The following SHOC1 variants were observed in gnomAD, a reference collection of about 807,000 sequenced individuals.
SHOC1 encodes the protein protein shortage in chiasmata 1 ortholog.
A neutral mutation model predicts 179.2 loss-of-function variants in SHOC1; 136 were observed. The observed-to-expected ratio is 0.76, with a 90% CI of 0.66 to 0.87. The LOEUF (loss-of-function observed/expected upper bound fraction) is 0.87, where lower values mean the gene tolerates loss of function less well. Among genes scored for constraint, SHOC1 ranks in the 40% least tolerant of loss-of-function variants. The probability of loss-of-function intolerance (pLI) is 0.00; values close to 1 mark genes in which losing one functional copy is unlikely to be tolerated. For synonymous variants in SHOC1, 489 were observed against 586.6 expected, an observed-to-expected ratio of 0.83 and a Z score of 2.41; for missense variants, 1,538 against 1,700.8, an observed-to-expected ratio of 0.90 and a Z score of 1.68.
At chr9:111,754,407 A>G (rs941893986) in intron 8 of SHOC1, among the ~76,000 whole-genome samples, 2 of 152,218 alleles carry the variant, frequency 1.3e-5, no homozygotes, top group South Asian at 2.1e-4. Context: ...CAAAACCACA[A>G]TGAGATATCA....
At chr9:111,689,348 A>AATAATTATT (rs1554707165) in intron 27 of SHOC1, among the ~76,000 whole-genome samples, 7 of 146,558 alleles carry the variant, frequency 4.8e-5, no homozygotes, top group Admixed American at 1.4e-4. Flanking sequence ...TAATAATAAT[A>AATAATTATT]ATTATTATTA....
chr9:111,757,256 C>G (rs1834907994), intron 7 of SHOC1, among the ~76,000 whole-genome samples: 1 of 152,130 alleles, frequency 6.6e-6, no homozygotes, highest in Non-Finnish European at 1.5e-5. Context: ...GCGCCCACCA[C>G]TATGCCTGGC....
intron 9 of SHOC1, among the ~76,000 whole-genome samples, chr9:111,746,925 G>C (rs1336373832): frequency 6.6e-6 from 1 of 151,992 alleles, no homozygotes; most frequent in Admixed American, 6.6e-5. Flanking sequence ...TAAATTCCAA[G>C]AGCTTTATAT....
At chr9:111,718,358 G>T in intron 15 of SHOC1, 70 bp from the exon 16 acceptor site, 1 of 966,064 alleles carries the variant, frequency 1.0e-6, no homozygotes, top group Non-Finnish European at 1.5e-6. Context: ...ATCAGAATCT[G>T]CCTAATAATG....
intron 24 of SHOC1, among the ~76,000 whole-genome samples, chr9:111,695,586 G>A (rs916209215): frequency 2.6e-5 from 4 of 151,978 alleles, no homozygotes; most frequent in African/African-American, 7.3e-5. Context: ...ACTGATTTTC[G>A]ATGTGAAAAT....
chr9:111,792,928 G>A (rs1836495780), intron 1 of SHOC1, among the ~76,000 whole-genome samples: 1 of 151,422 alleles, frequency 6.6e-6, no homozygotes, highest in Non-Finnish European at 1.5e-5. Flanking sequence ...TGTCCCCCAG[G>A]CTGGAGTGCA....
At chr9:111,732,968 A>G (rs548195948) in intron 12 of SHOC1, among the ~76,000 whole-genome samples, 39 of 152,326 alleles carry the variant, frequency 2.6e-4, no homozygotes, top group Admixed American at 1.2e-3. Context: ...TCAGTGACAA[A>G]AGAGTAGTGC....
At chr9:111,703,147 G>T (rs762501412) in intron 22 of SHOC1, among the ~76,000 whole-genome samples, 2 of 152,068 alleles carry the variant, frequency 1.3e-5, no homozygotes, top group Non-Finnish European at 2.9e-5. Context: ...GTGCCAAACA[G>T]AAAAATATTG....
intron 24 of SHOC1, among the ~76,000 whole-genome samples, chr9:111,698,306 G>T (rs4431659): frequency 0.8 from 121,726 of 152,184 alleles, 48,857 homozygotes; most frequent in East Asian, 0.92. Flanking sequence ...GGTTTTCTTC[G>T]AGGGTTTTTA....
In SHOC1 at chr9:111,738,105, T is replaced by G. The variant is rs535865974; in HGVS notation, c.1417+175A>C. ...GGTTAGCTAGTCAAACTTCATCATT[T>G]TTTCAAGAAAATGGGACCTAGAGAA... On this transcript the variant is annotated intron_variant, in intron 12 of 27. Coordinates refer to ENST00000682961, the MANE Select transcript of SHOC1 (RefSeq NM_001378211.1). 5.1e-4 allele frequency: 248 copies of G among 488,714 alleles called. 2 individuals are homozygous for G. The highest frequency in any genetic ancestry group is 5.5e-4 in the Non-Finnish European group (159 of 288,854). The allele number at this position is 488,714 out of a possible 1,614,324, so 30.3% of individuals were successfully genotyped here.
intron 8 of SHOC1, among the ~76,000 whole-genome samples, chr9:111,752,353 A>C (rs1400279812): frequency 1.1e-4 from 16 of 152,232 alleles, no homozygotes; most frequent in African/African-American, 3.9e-4. Flanking sequence ...GATTGAAAGC[A>C]TATCAGCTAA....
intron 20 of SHOC1, 25 bp from the exon 21 acceptor site, chr9:111,705,389 A>C (rs1237595759): frequency 8.2e-7 from 1 of 1,214,318 alleles, no homozygotes. Context: ...ATTTATAAAT[A>C]TTTCTCTTTT....
intron 2 of SHOC1, among the ~76,000 whole-genome samples, chr9:111,787,554 A>G (rs1430030167): frequency 6.6e-6 from 1 of 152,226 alleles, no homozygotes. Context: ...AATTACTGCA[A>G]TCTCATGATA....
intron 11 of SHOC1, among the ~76,000 whole-genome samples, chr9:111,739,161 A>G (rs1833928655): frequency 6.6e-6 from 1 of 152,072 alleles, no homozygotes; most frequent in African/African-American, 2.4e-5. Context: ...ATTAAAACTT[A>G]AAAATACTAA....
chr9:111,713,024 A>G (rs1447587270), intron 18 of SHOC1, 76 bp downstream of exon 18: 1 of 907,580 alleles, frequency 1.1e-6, no homozygotes, highest in Admixed American at 2.6e-5. Context: ...CTTAATTTTA[A>G]AAGCTGGTTA....
At chr9:111,710,181 AT>A (rs1832478081) in intron 18 of SHOC1, among the ~76,000 whole-genome samples, 1 of 152,172 alleles carries the variant, frequency 6.6e-6, no homozygotes. Flanking sequence ...TTGCTCTAAC[AT>A]TTTGGTACTA....
chr9:111,768,219 G>A (rs913706123), intron 5 of SHOC1, among the ~76,000 whole-genome samples: 1 of 148,730 alleles, frequency 6.7e-6, no homozygotes, highest in African/African-American at 2.5e-5. Flanking sequence ...ACTGATTTTT[G>A]TATGTTAAAT....
intron 8 of SHOC1, among the ~76,000 whole-genome samples, chr9:111,754,731 A>G (rs938279541): frequency 6.6e-6 from 1 of 152,244 alleles, no homozygotes; most frequent in African/African-American, 2.4e-5. Flanking sequence ...ACAGATAGAC[A>G]AAATGTGCTA....
chr9:111,733,107 T>C (rs1208545215), intron 12 of SHOC1, among the ~76,000 whole-genome samples: 1 of 152,062 alleles, frequency 6.6e-6, no homozygotes, highest in Non-Finnish European at 1.5e-5. Context: ...GCAATAAAAA[T>C]AAAACAGGTG....
Sources: gnomAD v4.1 joint callset for allele counts (sites outside exome capture counted in the v4.1 genomes callset) on GRCh38, gnomAD v4.1.1 for gene constraint, MANE v1.5 for transcripts, NCBI Gene and HGNC (gene_info 2026-07-23, HGNC 2026-07-21) for gene names.